Variants in CLCN5 observed in about 807,000 individuals in gnomAD.
CLCN5 encodes the protein H(+)/Cl(-) exchange transporter 5.
Under a neutral mutation model 54.0 loss-of-function variants are expected in CLCN5, and 17 were observed. That is an observed-to-expected ratio of 0.31 (90% CI 0.22 to 0.47). The LOEUF (loss-of-function observed/expected upper bound fraction) is 0.47, where lower values mean the gene tolerates loss of function less well. CLCN5 is among the 20% of genes least tolerant of loss of function. The pLI is 1.00. For synonymous variants in CLCN5, 222 were observed against 233.0 expected, an observed-to-expected ratio of 0.95 and a Z score of 0.43; for missense variants, 448 against 646.7, an observed-to-expected ratio of 0.69 and a Z score of 3.33.
intron 3 of CLCN5, among the ~76,000 whole-genome samples, chrX:49,967,271 A>G (rs1205504668): frequency 2.4e-5 from 1 of 42,338 alleles, no homozygotes; most frequent in East Asian, 6.8e-4. Flanking sequence ...CATCCTCTCC[A>G]GCACCTGTTG....
chrX:50,057,065 G>T (rs1932761921), intron 4 of CLCN5, among the ~76,000 whole-genome samples: 1 of 110,855 alleles, frequency 9.0e-6, no homozygotes, highest in South Asian at 3.9e-4. Flanking sequence ...TAAATGAAAT[G>T]AGTGCAGGGA....
At position 50,094,817 on chromosome X, in the gene CLCN5, C is replaced by T. The variant is rs930943841; in HGVS notation, c.*2598C>T. The T allele has an allele frequency of 6.2e-5, 7 of 112,580 alleles. No individual in the cohort carries two copies. The highest frequency in any genetic ancestry group is 9.4e-5 in the Non-Finnish European group (5 of 53,281). 9.3% of individuals were successfully genotyped at this position (112,580 alleles called of 1,213,427 possible). ...TGGTATATGGTATCCACTATATGTC[C>T]AGTCCTATGGTTTGGCTCAAAGGTT... On this transcript the variant is annotated 3_prime_UTR_variant, in exon 15 of 15. Coordinates refer to ENST00000376091, the MANE Select transcript of CLCN5 (RefSeq NM_001127898.4).
In CLCN5 at chrX:50,080,579, T is replaced by C. The variant is rs1557192925; in HGVS notation, c.604-15T>C. Reference sequence around the variant, plus strand: ...TGTCTAGGCTAAAACAAGCTTCTTTTTCCCCCTGTTCCAGGGAGCCTTTGC... The same window carrying C: ...TGTCTAGGCTAAAACAAGCTTCTTTCTCCCCCTGTTCCAGGGAGCCTTTGC... On this transcript the variant is annotated splice_polypyrimidine_tract_variant and intron_variant, in intron 7 of 14. Transcript: ENST00000376091. The C allele has an allele frequency of 2.5e-6, 3 of 1,206,542 alleles. No individual in the cohort carries two copies. The highest frequency in any genetic ancestry group is 2.3e-4 in the Middle Eastern group (1 of 4,340).
chrX:50,060,198 G>T (rs911567869), intron 4 of CLCN5, among the ~76,000 whole-genome samples: 27 of 102,836 alleles, frequency 2.6e-4, no homozygotes, highest in Admixed American at 6.2e-4. Context: ...AGCTCCCAGC[G>T]TGAGCGACGC....
chrX:49,984,340 A>G (rs2147347035), intron 3 of CLCN5, among the ~76,000 whole-genome samples: 1 of 111,958 alleles, frequency 8.9e-6, no homozygotes, highest in Admixed American at 9.4e-5. Flanking sequence ...TTTTGCATCA[A>G]TGTCCAGAAA....
At chrX:49,956,012 G>T (rs1353923541) in intron 3 of CLCN5, among the ~76,000 whole-genome samples, 2 of 111,785 alleles carry the variant, frequency 1.8e-5, no homozygotes, top group African/African-American at 6.5e-5. Context: ...CCAAAGGTCT[G>T]TCTTAATTCT....
chrX:49,996,437 GA>G (rs1557179672), intron 3 of CLCN5, among the ~76,000 whole-genome samples: 24 of 111,667 alleles, frequency 2.1e-4, no homozygotes, highest in Non-Finnish European at 7.5e-5. Context: ...TAAACTTCCT[GA>G]AGAAGCATTT....
At chrX:49,997,722 A>G (rs1158460468) in intron 3 of CLCN5, among the ~76,000 whole-genome samples, 1 of 105,931 alleles carries the variant, frequency 9.4e-6, no homozygotes, top group Non-Finnish European at 1.9e-5. Context: ...GGGTCTCACT[A>G]TGTTACCCAG....
intron 5 of CLCN5, among the ~76,000 whole-genome samples, chrX:50,070,797 G>A (rs1002426517): frequency 1.8e-5 from 2 of 111,145 alleles, no homozygotes; most frequent in Non-Finnish European, 3.8e-5. Context: ...TTGAAGTACC[G>A]TGAAAACTTC....
At chrX:49,970,997 G>A (rs1307210956) in intron 3 of CLCN5, among the ~76,000 whole-genome samples, 1 of 110,115 alleles carries the variant, frequency 9.1e-6, no homozygotes, top group African/African-American at 3.3e-5. Flanking sequence ...TGGAGTTTTT[G>A]CAGTACATAT....
At chrX:50,060,911 C>T (rs1284595814) in intron 4 of CLCN5, among the ~76,000 whole-genome samples, 6 of 85,824 alleles carry the variant, frequency 7.0e-5, no homozygotes, top group African/African-American at 1.0e-4. Context: ...ACACCTCACA[C>T]GGCAGGGTAT....
chrX:49,959,707 C>A (rs782471127), intron 3 of CLCN5, among the ~76,000 whole-genome samples: 1 of 111,528 alleles, frequency 9.0e-6, no homozygotes, highest in Non-Finnish European at 1.9e-5. Flanking sequence ...TTGGCACAGA[C>A]CTATCTTTAG....
chrX:49,954,783 T>C (rs954918342), intron 3 of CLCN5, among the ~76,000 whole-genome samples: 3 of 112,057 alleles, frequency 2.7e-5, no homozygotes, highest in Admixed American at 9.4e-5. Flanking sequence ...ATATTAGGGA[T>C]GGACCTATTT....
chrX:49,939,955 T>A (rs1557170473), intron 3 of CLCN5, among the ~76,000 whole-genome samples: 1 of 111,703 alleles, frequency 9.0e-6, no homozygotes, highest in Non-Finnish European at 1.9e-5. Context: ...AATTCCAGTC[T>A]CTTTTTTCCA....
In CLCN5 at chrX:50,090,858, C is replaced by T; in HGVS notation, c.2332C>T (p.Leu778=). ...AGTGGATATTTTCCGAAAGCTGGGA[C>T]TGCGGCAGTGCCTGGTTACACACAA... ...IVVDIFRKLG[L]RQCLVTHNGR... The change falls in exon 14 of 15, where the codon CTG becomes TTG. Residue 778 remains leucine (L), a synonymous_variant. Transcript: ENST00000376091. 8.3e-7 allele frequency: 1 copy of T among 1,210,200 alleles called. No homozygotes were observed.
At chrX:50,066,242 G>C (rs917216291) in intron 4 of CLCN5, among the ~76,000 whole-genome samples, 10 of 101,928 alleles carry the variant, frequency 9.8e-5, no homozygotes, top group African/African-American at 3.9e-4. Flanking sequence ...GCCACAAATG[G>C]CTTTTGCTTT....
chrX:50,048,697 T>C (rs782004447), intron 4 of CLCN5, among the ~76,000 whole-genome samples: 1 of 111,071 alleles, frequency 9.0e-6, no homozygotes, highest in South Asian at 3.8e-4. Context: ...TACAACATGC[T>C]CTAGGCTCAT....
intron 7 of CLCN5, among the ~76,000 whole-genome samples, chrX:50,076,693 AATTT>A (rs1211919541): frequency 5.4e-5 from 6 of 110,341 alleles, no homozygotes; most frequent in Non-Finnish European, 1.1e-4. Flanking sequence ...ACACCTAGAT[AATTT>A]ATTTATTTAT....
At chrX:50,003,726 C>T (rs782344566) in intron 3 of CLCN5, 2 of 264,034 alleles carry the variant, frequency 7.6e-6, no homozygotes, top group Non-Finnish European at 1.5e-5. Context: ...TTACATGGAT[C>T]CTGCAGGAGA....
Sources: gnomAD v4.1 joint callset for allele counts (sites outside exome capture counted in the v4.1 genomes callset) on GRCh38, gnomAD v4.1.1 for gene constraint, MANE v1.5 for transcripts, NCBI Gene and HGNC (gene_info 2026-07-23, HGNC 2026-07-21) for gene names.